Variants in DOCK5 observed in about 807,000 individuals in gnomAD.
The protein encoded by DOCK5 is dedicator of cytokinesis protein 5.
In DOCK5, 142 loss-of-function variants were observed where a neutral mutation model predicts 251.8. The observed-to-expected ratio is 0.56, with a 90% confidence interval of 0.49 to 0.65. The LOEUF (loss-of-function observed/expected upper bound fraction) is 0.65, where lower values mean the gene tolerates loss of function less well. Among genes scored for constraint, DOCK5 ranks in the 30% least tolerant of loss-of-function variants. The pLI is 0.00. For synonymous variants in DOCK5, 842 were observed against 835.5 expected, an observed-to-expected ratio of 1.01 and a Z score of -0.13; for missense variants, 2,111 against 2,312.3, an observed-to-expected ratio of 0.91 and a Z score of 1.79.
chr8:25,332,492 T>TA (rs1563204883), intron 19 of DOCK5, 111 bp from the exon 20 acceptor site: 2 of 1,211,050 alleles, frequency 1.7e-6, no homozygotes, highest in Non-Finnish European at 2.3e-6. Context: ...GCTAGTTTTT[T>TA]AAAAAATGCT....
chr8:25,334,299 T>TA, intron 21 of DOCK5, 103 bp downstream of exon 21: 1 of 922,584 alleles, frequency 1.1e-6, no homozygotes, highest in South Asian at 1.4e-5. Flanking sequence ...ATTCAGTAAA[T>TA]ACGCCTGTTA....
chr8:25,376,103 G>GAAAAAAAAAA (rs59845416), intron 37 of DOCK5: 3 of 715,328 alleles, frequency 4.2e-6, no homozygotes, highest in Admixed American at 7.2e-5. Context: ...TGTCTCAAAA[G>GAAAAAAAAAA]AAAAAAAAAA....
intron 11 of DOCK5, among the ~76,000 whole-genome samples, chr8:25,308,012 T>C (rs1804993102): frequency 6.6e-6 from 1 of 152,218 alleles, no homozygotes; most frequent in East Asian, 1.9e-4. Flanking sequence ...TATTGCAGTG[T>C]GTTTTATTGT....
intron 5 of DOCK5, among the ~76,000 whole-genome samples, chr8:25,285,521 A>G (rs1804309434): frequency 6.6e-6 from 1 of 152,190 alleles, no homozygotes; most frequent in South Asian, 2.1e-4. Flanking sequence ...TGCCAGCAAT[A>G]AAGAACCCTG....
chr8:25,374,395 T>C (rs1800927472), intron 36 of DOCK5, among the ~76,000 whole-genome samples, 169 bp from the exon 37 acceptor site: 1 of 152,102 alleles, frequency 6.6e-6, no homozygotes, highest in Non-Finnish European at 1.5e-5. Flanking sequence ...CTTAGGAGGC[T>C]AAGGTGGGTG....
intron 27 of DOCK5, among the ~76,000 whole-genome samples, chr8:25,356,035 CAA>C (rs375002413): frequency 1.5e-5 from 2 of 132,686 alleles, no homozygotes; most frequent in African/African-American, 2.8e-5. Flanking sequence ...TATTAAAATA[CAA>C]AAAAAAAAAA....
intron 1 of DOCK5, among the ~76,000 whole-genome samples, chr8:25,199,684 A>G (rs535294469): frequency 1.3e-5 from 2 of 152,178 alleles, no homozygotes; most frequent in Admixed American, 1.3e-4. Flanking sequence ...CGCCCAACCA[A>G]CTTCTGCTCT....
chr8:25,186,888 G>A (rs1385448442), intron 1 of DOCK5, among the ~76,000 whole-genome samples: 1 of 151,998 alleles, frequency 6.6e-6, no homozygotes, highest in African/African-American at 2.4e-5. Context: ...TCAGTTTACT[G>A]TGTCACTTAT....
rs1406169477 is a variant in DOCK5 at position 25,400,508 on chromosome 8, A to AAAAAAAAAG, written c.4789-418_4789-417insAAAAAGAAA. Among the ~76,000 whole-genome samples the AAAAAAAAAG allele has an allele frequency of 1.0e-3, 154 of 151,220 alleles. 3 individuals carry two copies. The highest frequency in any genetic ancestry group is 3.7e-3 in the African/African-American group (151 of 41,236). ...GTGAGACTCCATCTCAAAAAAAAAA[A>AAAAAAAAAG]AAAGAAAAGTTCATCTGTTGGTTTC... On this transcript the variant is annotated intron_variant, in intron 46 of 51. Coordinates refer to ENST00000276440, the MANE Select transcript of DOCK5 (RefSeq NM_024940.8).
intron 5 of DOCK5, among the ~76,000 whole-genome samples, chr8:25,281,174 C>T (rs1218908209): frequency 6.6e-6 from 1 of 152,012 alleles, no homozygotes; most frequent in African/African-American, 2.4e-5. Context: ...TGCCTGTAAT[C>T]CCAGCACTTT....
chr8:25,334,897 A>G (rs1187121134), intron 21 of DOCK5, among the ~76,000 whole-genome samples: 1 of 152,184 alleles, frequency 6.6e-6, no homozygotes, highest in Non-Finnish European at 1.5e-5. Context: ...TGTAAAATGT[A>G]TTGCTTACAG....
Position 25,296,603 on chromosome 8 carries a change from T to A in DOCK5, c.561T>A (p.His187Gln). The A allele has an allele frequency of 6.2e-7, 1 of 1,612,632 alleles. No individual in the cohort carries two copies. The highest frequency in any genetic ancestry group is 8.5e-7 in the Non-Finnish European group (1 of 1,179,366). ...ETSTIALFKA[H>Q]EVASKRIEEK... ...GCACCATTGCCCTCTTCAAGGCCCATGAGGTGGCCTCCAAAAGGATTGAGG... is the reference window on the plus strand; with the variant it reads ...GCACCATTGCCCTCTTCAAGGCCCAAGAGGTGGCCTCCAAAAGGATTGAGG... The change falls in exon 7 of 52, where the codon CAT becomes CAA. Residue 187 changes from histidine (H) to glutamine (Q), a missense_variant. Around this residue, in one of 3 missense-constraint regions of DOCK5, gnomAD observed 335 missense variants for 324.9 expected, o/e 1.03. Coordinates refer to ENST00000276440, the MANE Select transcript of DOCK5 (RefSeq NM_024940.8).
chr8:25,349,802 G>A (rs1800434194), intron 26 of DOCK5, among the ~76,000 whole-genome samples: 1 of 152,102 alleles, frequency 6.6e-6, no homozygotes, highest in African/African-American at 2.4e-5. Context: ...AAAAGACTAC[G>A]CATTGGGTAC....
chr8:25,197,844 T>G (rs1801774082), intron 1 of DOCK5, among the ~76,000 whole-genome samples: 1 of 148,878 alleles, frequency 6.7e-6, no homozygotes, highest in Non-Finnish European at 1.5e-5. Context: ...TCAGCCTCCC[T>G]GTTTCACGCC....
At chr8:25,187,378 G>GTC (rs1801462945) in intron 1 of DOCK5, among the ~76,000 whole-genome samples, 1 of 150,656 alleles carries the variant, frequency 6.6e-6, no homozygotes, top group African/African-American at 2.5e-5. Flanking sequence ...GTGTGTGTGT[G>GTC]TGTGTGTGTG....
At chr8:25,388,669 G>A (rs2248996) in intron 40 of DOCK5, 89,224 of 167,348 alleles carry the variant, frequency 0.53, 25,995 homozygotes, top group Middle Eastern at 0.64. Context: ...GGATGGTGAT[G>A]AGATCGATTA....
At chr8:25,352,332 T>C (rs1800486403) in intron 27 of DOCK5, among the ~76,000 whole-genome samples, 1 of 150,632 alleles carries the variant, frequency 6.6e-6, no homozygotes, top group South Asian at 2.1e-4. Context: ...AAGAAAATGA[T>C]CCAGTATGAA....
intron 1 of DOCK5, 149 bp from the exon 2 acceptor site, chr8:25,243,525 T>C: frequency 1.8e-6 from 1 of 567,356 alleles, no homozygotes; most frequent in Non-Finnish European, 3.1e-6. Flanking sequence ...GAGATGGGGT[T>C]TCACCATCTT....
intron 7 of DOCK5, among the ~76,000 whole-genome samples, chr8:25,297,060 A>G (rs2117159482): frequency 6.6e-6 from 1 of 152,174 alleles, no homozygotes; most frequent in African/African-American, 2.4e-5. Flanking sequence ...CATATATTGC[A>G]ATTTCAAAAT....
Sources: gnomAD v4.1 joint callset for allele counts (sites outside exome capture counted in the v4.1 genomes callset) on GRCh38, gnomAD v4.1.1 for gene constraint, gnomAD v4.1.1 regional missense constraint, MANE v1.5 for transcripts, NCBI Gene and HGNC (gene_info 2026-07-23, HGNC 2026-07-21) for gene names.